Variants in DHDH observed in about 807,000 individuals in gnomAD.
The protein encoded by DHDH is dihydrodiol dehydrogenase.
Under a neutral mutation model 33.2 loss-of-function variants are expected in DHDH, and 29 were observed. The observed-to-expected ratio is 0.87, with a 90% CI of 0.65 to 1.19. The LOEUF (loss-of-function observed/expected upper bound fraction) is 1.19, where lower values mean the gene tolerates loss of function less well. DHDH is among the 50% of genes most tolerant of loss of function. DHDH has a pLI of 0.00. For missense variants in DHDH, 431 were observed against 455.0 expected, an observed-to-expected ratio of 0.95 and a Z score of 0.48; for synonymous variants, 201 against 187.9, an observed-to-expected ratio of 1.07 and a Z score of -0.57.
At chr19:48,936,741 C>G (rs1473525925) in intron 3 of DHDH, among the ~76,000 whole-genome samples, 5 of 151,438 alleles carry the variant, frequency 3.3e-5, no homozygotes, top group Non-Finnish European at 7.4e-5. Flanking sequence ...AAAAAGATGC[C>G]AAGAGTGAAA....
At chr19:48,940,093 G>A (rs934206329) in intron 4 of DHDH, among the ~76,000 whole-genome samples, 4 of 152,084 alleles carry the variant, frequency 2.6e-5, no homozygotes, top group South Asian at 4.1e-4. Context: ...GGTGGCTCAC[G>A]CCTGTAATTC....
At chr19:48,935,202 G>A (rs2037754873) in intron 2 of DHDH, 91 bp downstream of exon 2, 3 of 995,078 alleles carry the variant, frequency 3.0e-6, no homozygotes, top group Non-Finnish European at 4.2e-6. Flanking sequence ...TCCTCAGGAT[G>A]GTCCAATCCC....
rs762868110 is a variant in DHDH at position 48,936,114 on chromosome 19, C to T, written c.285C>T (p.Cys95=). Residue 95 remains cysteine (C), a synonymous_variant, in exon 3 of 7, where the codon TGC becomes TGT. Transcript: ENST00000221403. ...TGGCGGCGGGCAAGGCCGTTCTGTG[C>T]GAGAAGCCCACGGGCGTGAACGCGG... ...LCLAAGKAVL[C]EKPTGVNAAE... 8 of 1,611,286 alleles carry T rather than the reference C, an allele frequency of 5.0e-6. No individual in the cohort carries two copies. The Admixed American group carries it at 6.7e-5, about 13-fold the overall frequency.
At chr19:48,940,697 T>C (rs2037846697) in intron 4 of DHDH, among the ~76,000 whole-genome samples, 1 of 151,796 alleles carries the variant, frequency 6.6e-6, no homozygotes, top group South Asian at 2.1e-4. Context: ...CTACGAAAAG[T>C]GCAAAAAAAA....
chr19:48,942,344 C>A, intron 4 of DHDH, 96 bp from the exon 5 acceptor site: 1 of 1,317,120 alleles, frequency 7.6e-7, no homozygotes, highest in Non-Finnish European at 1.0e-6. Flanking sequence ...GAAGTGAAGT[C>A]TCTTGCCCAA....
At chr19:48,942,984 G>A (rs1359005239) in intron 5 of DHDH, among the ~76,000 whole-genome samples, 3 of 151,362 alleles carry the variant, frequency 2.0e-5, no homozygotes, top group Non-Finnish European at 4.4e-5. Flanking sequence ...GAATCCGGAA[G>A]ATGGAGGTTG....
upstream of DHDH, chr19:48,933,651 G>A (rs1211417726): frequency 3.4e-6 from 5 of 1,466,346 alleles, no homozygotes; most frequent in African/African-American, 7.0e-5. Flanking sequence ...CGCCCCCGGG[G>A]TGGGCGGGGC....
chr19:48,936,207 G>A lies in DHDH; in HGVS notation c.366+12G>A. 1.3e-6 allele frequency: 2 copies of A among 1,569,626 alleles called. No individual in the cohort carries two copies. The highest frequency in any genetic ancestry group is 1.7e-6 in the Non-Finnish European group (2 of 1,159,302). Reference sequence around the variant, plus strand: ...TCTTCCTTATGGAGGTGAGGGCAGAGGAGCCCTTCCAATATCCAGCGTAAA... The same window carrying A: ...TCTTCCTTATGGAGGTGAGGGCAGAAGAGCCCTTCCAATATCCAGCGTAAA... On this transcript the variant is annotated intron_variant, in intron 3 of 6. Coordinates refer to ENST00000221403, the MANE Select transcript of DHDH (RefSeq NM_014475.4).
At chr19:48,935,933 C>T (rs2037766530) in intron 2 of DHDH, 99 bp from the exon 3 acceptor site, 1 of 1,478,044 alleles carries the variant, frequency 6.8e-7, no homozygotes, top group Admixed American at 2.1e-5. Context: ...GACCGACCAC[C>T]TGGTCCCTGG....
At chr19:48,944,068 C>A (rs1433859999) in intron 5 of DHDH, among the ~76,000 whole-genome samples, 2 of 152,112 alleles carry the variant, frequency 1.3e-5, no homozygotes, top group Non-Finnish European at 2.9e-5. Flanking sequence ...AAGATAAGCC[C>A]TCCTCTCTAG....
intron 4 of DHDH, among the ~76,000 whole-genome samples, chr19:48,941,540 C>T (rs1381979144): frequency 6.6e-6 from 1 of 152,096 alleles, no homozygotes; most frequent in Non-Finnish European, 1.5e-5. Context: ...GGCCACCACG[C>T]CTGGCTATGT....
At chr19:48,937,259 T>A (rs1348240517) in intron 3 of DHDH, among the ~76,000 whole-genome samples, 1 of 152,170 alleles carries the variant, frequency 6.6e-6, no homozygotes, top group African/African-American at 2.4e-5. Flanking sequence ...GGCTCCCCAG[T>A]GCCCTCAGGC....
rs746092111 is a variant in DHDH at position 48,942,476 on chromosome 19, C to G, written c.656C>G (p.Pro219Arg). The change falls in exon 5 of 7, where the codon CCA becomes CGA. Residue 219 changes from proline (P) to arginine (R), a missense_variant. Transcript: ENST00000221403. ...ACTGTCACGGTGCTCCTGCAGTACCCAGGGGAGGTCCATGGCAGCTTCACC... is the reference window on the plus strand; with the variant it reads ...ACTGTCACGGTGCTCCTGCAGTACCGAGGGGAGGTCCATGGCAGCTTCACC... ...DDTVTVLLQY[P>R]GEVHGSFTCS... The G allele has an allele frequency of 1.9e-6, 3 of 1,613,684 alleles. No individual in the cohort carries two copies. Among genetic ancestry groups the G allele is most frequent in the Middle Eastern group, 3.3e-4 (2 of 6,060 alleles).
chr19:48,933,751 C>G lies in DHDH; in HGVS notation c.30C>G (p.Val10=), dbSNP rs759674911. Reference sequence around the variant, plus strand: ...CGCTGCGCTGGGGCATCGTGTCTGTCGGCCTCATCTCCAGCGACTTCACAG... The same window carrying G: ...CGCTGCGCTGGGGCATCGTGTCTGTGGGCCTCATCTCCAGCGACTTCACAG... MALRWGIVS[V]GLISSDFTAV... Residue 10 remains valine, a synonymous_variant, in exon 1 of 7, where the codon GTC becomes GTG. Transcript: ENST00000221403. 2.5e-6 allele frequency: 4 copies of G among 1,613,384 alleles called. No homozygotes were observed. In the South Asian group the frequency reaches 4.4e-5, roughly 18 times the overall value.
At chr19:48,942,773 T>C (rs1378792446) in intron 5 of DHDH, among the ~76,000 whole-genome samples, 1 of 152,118 alleles carries the variant, frequency 6.6e-6, no homozygotes, top group Non-Finnish European at 1.5e-5. Context: ...TTCTTGGGCC[T>C]GGCTGGCACG....
chr19:48,933,172 A>C (rs898259032), upstream of DHDH, among the ~76,000 whole-genome samples: 6 of 152,192 alleles, frequency 3.9e-5, no homozygotes, highest in African/African-American at 1.4e-4. Flanking sequence ...AATAGAAGCT[A>C]CTTCCCAGGT....
At chr19:48,940,366 A>T (rs1261877438) in intron 4 of DHDH, among the ~76,000 whole-genome samples, 3 of 151,666 alleles carry the variant, frequency 2.0e-5, no homozygotes, top group Non-Finnish European at 4.4e-5. Context: ...AAAAAAAAAA[A>T]AGCTGCCCCA....
intron 6 of DHDH, 109 bp downstream of exon 6, chr19:48,944,616 C>T: frequency 1.3e-6 from 2 of 1,482,466 alleles, no homozygotes. Context: ...CAGGAGGTTG[C>T]AGTGAGCCGA....
At chr19:48,943,063 A>ATAT (rs1371433080) in intron 5 of DHDH, among the ~76,000 whole-genome samples, 4 of 145,634 alleles carry the variant, frequency 2.7e-5, no homozygotes, top group African/African-American at 1.0e-4. Context: ...CTCAAAAAAA[A>ATAT]AAATATATAT....
Sources: allele counts gnomAD v4.1 joint callset (sites outside exome capture counted in the v4.1 genomes callset), GRCh38; gene constraint gnomAD v4.1.1; transcripts MANE v1.5; gene names NCBI Gene and HGNC (gene_info 2026-07-23, HGNC 2026-07-21).